SLC37A1: variants seen among roughly 807,000 people sequenced by gnomAD.
SLC37A1 encodes the protein solute carrier family 37 member 1.
Under a neutral mutation model 75.3 loss-of-function variants are expected in SLC37A1, and 49 were observed. The ratio of observed to expected loss-of-function variants is 0.65; its 90% confidence interval spans 0.52 to 0.83. The LOEUF (loss-of-function observed/expected upper bound fraction) is 0.83. Among genes scored for constraint, SLC37A1 ranks in the 40% least tolerant of loss-of-function variants. The probability of loss-of-function intolerance (pLI) is 0.00; values close to 1 mark genes in which losing one functional copy is unlikely to be tolerated. For missense variants in SLC37A1, 566 were observed against 695.0 expected, an observed-to-expected ratio of 0.81 and a Z score of 2.09; for synonymous variants, 268 against 292.1, an observed-to-expected ratio of 0.92 and a Z score of 0.84.
intron 1 of SLC37A1, among the ~76,000 whole-genome samples, chr21:42,501,409 C>G (rs546818085): frequency 1.3e-5 from 2 of 152,282 alleles, no homozygotes; most frequent in South Asian, 2.1e-4. Flanking sequence ...TTAATCTACA[C>G]TGTTAAAAAA....
At chr21:42,546,829 T>C (rs911430320) in intron 8 of SLC37A1, among the ~76,000 whole-genome samples, 6 of 152,240 alleles carry the variant, frequency 3.9e-5, no homozygotes, top group Non-Finnish European at 2.9e-5. Context: ...ATTGTGTATA[T>C]TTAAGGTATG....
At chr21:42,506,885 CT>C (rs1268911662) in intron 2 of SLC37A1, among the ~76,000 whole-genome samples, 2 of 151,328 alleles carry the variant, frequency 1.3e-5, no homozygotes, top group African/African-American at 2.4e-5. Flanking sequence ...CAATAAGTTG[CT>C]TTTTTTTTCT....
At chr21:42,510,339 A>G (rs1243649089), upstream of SLC37A1, among the ~76,000 whole-genome samples, 1 of 152,156 alleles carries the variant, frequency 6.6e-6, no homozygotes, top group Admixed American at 6.5e-5. Context: ...AATGTATTAT[A>G]TAAGCATCAT....
At chr21:42,561,921 G>A (rs976207776) in intron 11 of SLC37A1, 157 bp from the exon 12 acceptor site, 4 of 664,970 alleles carry the variant, frequency 6.0e-6, no homozygotes, top group Non-Finnish European at 1.1e-5. Context: ...CCACACAGCG[G>A]TGCAGCACCC....
At chr21:42,516,789 G>A (rs2054529521) in intron 1 of SLC37A1, among the ~76,000 whole-genome samples, 1 of 152,148 alleles carries the variant, frequency 6.6e-6, no homozygotes. Context: ...TTCCAGACAC[G>A]CTGGACATGG....
intron 3 of SLC37A1, among the ~76,000 whole-genome samples, chr21:42,529,108 TTA>T: frequency 6.6e-6 from 1 of 152,316 alleles, no homozygotes; most frequent in Admixed American, 6.5e-5. Context: ...TTAACATATT[TTA>T]ATACCATAAT....
intron 18 of SLC37A1, among the ~76,000 whole-genome samples, chr21:42,576,555 A>T (rs2056314368): frequency 6.6e-6 from 1 of 152,230 alleles, no homozygotes; most frequent in African/African-American, 2.4e-5. Context: ...GACATAAAAA[A>T]TGGTGGAATT....
chr21:42,520,429 C>G (rs1322829845), intron 2 of SLC37A1, among the ~76,000 whole-genome samples: 1 of 152,016 alleles, frequency 6.6e-6, no homozygotes, highest in African/African-American at 2.4e-5. Context: ...CACATTTTAA[C>G]TTTGTTATTT....
At chr21:42,501,003 CAAAACCAGTAGGGAA>C (rs539456173) in intron 1 of SLC37A1, among the ~76,000 whole-genome samples, 1 of 152,306 alleles carries the variant, frequency 6.6e-6, no homozygotes, top group South Asian at 2.1e-4. Flanking sequence ...AGTGATGCAT[CAAAACCAGTAGGGAA>C]AACAGTTTAG....
rs1404314549 is a variant in SLC37A1 at position 42,580,759 on chromosome 21, G to A, written c.*399G>A. ...CATCAAAGTGAGCGAGTACTGCGCT[G>A]GCTGTGGCTTCAGAGAACCTGTATG... On this transcript the variant is annotated 3_prime_UTR_variant, in exon 20 of 20. Transcript: ENST00000352133. 1 of 242,916 alleles carries A rather than the reference G, an allele frequency of 4.1e-6. No homozygotes were observed. Among genetic ancestry groups the A allele is most frequent in the Non-Finnish European group, 8.1e-6 (1 of 123,646 alleles). 15.0% of individuals were successfully genotyped at this position (242,916 alleles called of 1,614,324 possible).
At chr21:42,536,423 T>C (rs149107980) in intron 5 of SLC37A1, among the ~76,000 whole-genome samples, 4 of 152,284 alleles carry the variant, frequency 2.6e-5, no homozygotes, top group East Asian at 3.9e-4. Context: ...ATATGGGTCA[T>C]AGGACGTGTG....
chr21:42,525,206 T>C (rs988804581), intron 2 of SLC37A1, among the ~76,000 whole-genome samples: 11 of 152,236 alleles, frequency 7.2e-5, no homozygotes, highest in African/African-American at 2.7e-4. Context: ...ACATCGTTTA[T>C]AATAAAGCAG....
rs770381210 is a variant in SLC37A1 at position 42,518,488 on chromosome 21, A to T, written c.34A>T (p.Ile12Phe). The T allele has an allele frequency of 3.1e-6, 5 of 1,614,146 alleles. No individual in the cohort carries two copies. In the South Asian group the frequency reaches 4.4e-5, roughly 14 times the overall value. Residue 12 changes from isoleucine (I) to phenylalanine (F), a missense_variant, in exon 2 of 20, where the codon ATC becomes TTC. Coordinates refer to ENST00000352133, the MANE Select transcript of SLC37A1 (RefSeq NM_001320537.2). The stretch of plus-strand genomic sequence containing the variant: ...ACTCCCCGCTGGCATTCGCTTCATC[A>T]TCTCATTCTCCAGGGATCAGTGGTG... ...ARLPAGIRFI[I>F]SFSRDQWYRA...
intron 7 of SLC37A1, among the ~76,000 whole-genome samples, chr21:42,542,836 C>A (rs1601715196): frequency 1.3e-5 from 2 of 152,278 alleles, no homozygotes; most frequent in South Asian, 2.1e-4. Flanking sequence ...ACCTGGGTCA[C>A]CCAGCGCACA....
At chr21:42,572,699 TC>T in intron 17 of SLC37A1, among the ~76,000 whole-genome samples, 3 of 38,544 alleles carry the variant, frequency 7.8e-5, no homozygotes, top group Non-Finnish European at 2.1e-4. Context: ...AAAGAGTGTG[TC>T]CTGAGGTTCA....
chr21:42,573,157 C>T (rs950512569), intron 17 of SLC37A1, among the ~76,000 whole-genome samples: 10 of 151,842 alleles, frequency 6.6e-5, no homozygotes, highest in Admixed American at 3.3e-4. Flanking sequence ...GGTTAAGCTG[C>T]GCTGTCCTGC....
intron 19 of SLC37A1, among the ~76,000 whole-genome samples, 175 bp from the exon 20 acceptor site, chr21:42,580,170 G>A (rs1373585223): frequency 4.6e-5 from 7 of 152,000 alleles, no homozygotes; most frequent in Admixed American, 1.3e-4. Context: ...AGAAGGCTGC[G>A]GGAAAGGTGC....
intron 1 of SLC37A1, among the ~76,000 whole-genome samples, chr21:42,501,528 T>C (rs2054341714): frequency 6.6e-6 from 1 of 152,152 alleles, no homozygotes; most frequent in South Asian, 2.1e-4. Context: ...TTGGCCAACA[T>C]GGTGAAACCC....
chr21:42,579,142 G>C (rs963679123), intron 18 of SLC37A1, among the ~76,000 whole-genome samples: 2 of 152,240 alleles, frequency 1.3e-5, no homozygotes, highest in African/African-American at 4.8e-5. Context: ...CGGAGTTAAA[G>C]CTCTGGGTCC....
Sources: allele counts gnomAD v4.1 joint callset (sites outside exome capture counted in the v4.1 genomes callset), GRCh38; gene constraint gnomAD v4.1.1; transcripts MANE v1.5; gene names NCBI Gene and HGNC (gene_info 2026-07-23, HGNC 2026-07-21).